The following IFT57 variants were observed in gnomAD, a reference collection of about 807,000 sequenced individuals.
The protein encoded by IFT57 is intraflagellar transport protein 57 homolog.
Under a neutral mutation model 56.8 loss-of-function variants are expected in IFT57, and 59 were observed. That is an observed-to-expected ratio of 1.04 (90% confidence interval 0.84 to 1.29). The LOEUF (loss-of-function observed/expected upper bound fraction) is 1.29, where lower values mean the gene tolerates loss of function less well. Ranked by LOEUF, IFT57 falls within the 50% of genes most tolerant of loss-of-function variation. IFT57 has a pLI of 0.00. For synonymous variants in IFT57, 209 were observed against 186.1 expected, an observed-to-expected ratio of 1.12 and a Z score of -1.00; for missense variants, 470 against 522.1, an observed-to-expected ratio of 0.90 and a Z score of 0.97.
At chr3:108,191,187 T>C (rs2080213213) in intron 6 of IFT57, among the ~76,000 whole-genome samples, 1 of 152,218 alleles carries the variant, frequency 6.6e-6, no homozygotes, top group South Asian at 2.1e-4. Context: ...TAAACCATCT[T>C]ATAACTCTAA....
At chr3:108,185,551 ATTTTTTTTTTTTTT>A (rs1179200943) in intron 6 of IFT57, among the ~76,000 whole-genome samples, 1 of 87,292 alleles carries the variant, frequency 1.1e-5, no homozygotes, top group Non-Finnish European at 2.1e-5. Context: ...GAGCACTAGG[ATTTTTTTTTTTTTT>A]TTTTTTTTTT....
At chr3:108,174,692 AT>A (rs2080114408) in intron 6 of IFT57, among the ~76,000 whole-genome samples, 1 of 151,792 alleles carries the variant, frequency 6.6e-6, no homozygotes, top group Non-Finnish European at 1.5e-5. Flanking sequence ...GACATGGTCT[AT>A]GCCAGGATTG....
intron 5 of IFT57, among the ~76,000 whole-genome samples, chr3:108,195,196 C>T (rs185064402): frequency 1.6e-3 from 236 of 152,158 alleles, no homozygotes; most frequent in African/African-American, 5.1e-3. Context: ...ACAAGTCATA[C>T]AAATGGCCAG....
chr3:108,205,802 ATAT>A (rs200525889), intron 5 of IFT57, among the ~76,000 whole-genome samples: 13,593 of 136,996 alleles, frequency 0.099, 719 homozygotes, highest in East Asian at 0.11. Flanking sequence ...AATATACAAA[ATAT>A]TATAGCATAT....
At chr3:108,173,806 G>GTA (rs1345449584) in intron 6 of IFT57, among the ~76,000 whole-genome samples, 7 of 101,160 alleles carry the variant, frequency 6.9e-5, no homozygotes, top group African/African-American at 2.3e-4. Flanking sequence ...GTGTGTGTGT[G>GTA]TGTATATAAT....
chr3:108,179,419 C>T (rs1036878860), intron 6 of IFT57, among the ~76,000 whole-genome samples: 4 of 152,072 alleles, frequency 2.6e-5, no homozygotes, highest in East Asian at 1.9e-4. Flanking sequence ...CTAGGAAATA[C>T]TTCTCGGACA....
chr3:108,164,735 C>T (rs1019928988), intron 9 of IFT57, among the ~76,000 whole-genome samples: 4 of 151,978 alleles, frequency 2.6e-5, no homozygotes, highest in Non-Finnish European at 4.4e-5. Context: ...TAACTTTATT[C>T]CTCAAATAAT....
chr3:108,207,535 T>G (rs2080320090), intron 4 of IFT57, among the ~76,000 whole-genome samples: 1 of 152,190 alleles, frequency 6.6e-6, no homozygotes, highest in Non-Finnish European at 1.5e-5. Context: ...GTCATGATTT[T>G]ATAAGGAAAA....
chr3:108,166,730 A>T, intron 8 of IFT57, 124 bp downstream of exon 8: 1 of 762,134 alleles, frequency 1.3e-6, no homozygotes, highest in Non-Finnish European at 2.0e-6. Flanking sequence ...TAAAGTGGGC[A>T]GAAAATTGAT....
intron 4 of IFT57, among the ~76,000 whole-genome samples, chr3:108,212,688 TA>T (rs1187329487): frequency 6.6e-6 from 1 of 152,254 alleles, no homozygotes; most frequent in Non-Finnish European, 1.5e-5. Context: ...GCATCTAATC[TA>T]TTTAATAGTT....
chr3:108,161,397 AAAGAAAAAGCT>A lies in IFT57; in HGVS notation c.*1069_*1079del, dbSNP rs2080031275. ...TGAGCATGTTGGGGAATACATCTAGAAAGAAAAAGCTAAGAAAAAAATAATAATATTCAGTG... is the reference window on the plus strand; with the variant it reads ...TGAGCATGTTGGGGAATACATCTAGAAAGAAAAAAATAATAATATTCAGTG... On this transcript the variant is annotated 3_prime_UTR_variant, in exon 11 of 11. Coordinates refer to ENST00000264538, the MANE Select transcript of IFT57 (RefSeq NM_018010.4). The A allele has an allele frequency of 1.3e-5, 2 of 152,240 alleles. No homozygotes were observed. The highest frequency in any genetic ancestry group is 4.1e-4 in the South Asian group (2 of 4,828). 9.4% of individuals were successfully genotyped at this position (152,240 alleles called of 1,614,324 possible).
chr3:108,191,099 A>G (rs1180677803), intron 6 of IFT57, among the ~76,000 whole-genome samples: 2 of 152,078 alleles, frequency 1.3e-5, no homozygotes, highest in Admixed American at 6.6e-5. Flanking sequence ...CCAGCATTTT[A>G]TTTTTAATCA....
intron 9 of IFT57, 50 bp from the exon 10 acceptor site, chr3:108,163,779 C>T: frequency 3.4e-6 from 4 of 1,192,510 alleles, no homozygotes; most frequent in South Asian, 1.3e-5. Flanking sequence ...TAAACTTTCA[C>T]AATTTTTGAA....
In IFT57 at chr3:108,162,313, G is replaced by T. The variant is rs2080037968; in HGVS notation, c.*164C>A. On this transcript the variant is annotated 3_prime_UTR_variant, in exon 11 of 11. Transcript: ENST00000264538. ...ATTTCTTTATTAAACATTACATTCAGTGTAAAGGCTTTAACCATCATAATC... is the reference window on the plus strand; with the variant it reads ...ATTTCTTTATTAAACATTACATTCATTGTAAAGGCTTTAACCATCATAATC... 8.1e-6 allele frequency: 4 copies of T among 495,476 alleles called. No individual in the cohort carries two copies. In the South Asian group the frequency reaches 1.2e-4, roughly 15 times the overall value. The allele number at this position is 495,476 out of a possible 1,614,324, so 30.7% of individuals were successfully genotyped here.
intron 7 of IFT57, among the ~76,000 whole-genome samples, chr3:108,167,359 A>G (rs2080068701): frequency 6.6e-6 from 1 of 151,950 alleles, no homozygotes; most frequent in African/African-American, 2.4e-5. Context: ...CCCTAAGCCT[A>G]TAGCTCTAGC....
chr3:108,171,026 T>C (rs2080089367), intron 6 of IFT57, among the ~76,000 whole-genome samples: 1 of 151,894 alleles, frequency 6.6e-6, no homozygotes, highest in African/African-American at 2.4e-5. Context: ...ATTGCACATA[T>C]CTGTTTGCAT....
intron 5 of IFT57, 91 bp from the exon 6 acceptor site, chr3:108,191,734 C>A: frequency 1.4e-6 from 1 of 707,780 alleles, no homozygotes. Context: ...CAATTTAAAT[C>A]AAGAATTGGT....
intron 4 of IFT57, among the ~76,000 whole-genome samples, chr3:108,209,455 A>T (rs959620689): frequency 1.3e-5 from 2 of 152,192 alleles, no homozygotes; most frequent in Non-Finnish European, 2.9e-5. Context: ...GAAGATGTAC[A>T]TGGATGGTAA....
chr3:108,210,877 T>C lies in IFT57; in HGVS notation c.585+3054A>G, dbSNP rs1203111827. The stretch of plus-strand genomic sequence containing the variant: ...GGCCTTCAGTTTGCTCTTATGATAG[T>C]AGAAGGTCTTTACCTCATGGCTGGG... On this transcript the variant is annotated intron_variant, in intron 4 of 10. Coordinates refer to ENST00000264538, the MANE Select transcript of IFT57 (RefSeq NM_018010.4). Among the ~76,000 whole-genome samples the C allele has an allele frequency of 7.2e-5, 11 of 152,292 alleles. No individual in the cohort carries two copies. In the East Asian group the frequency reaches 1.5e-3, roughly 21 times the overall value.
Sources: allele counts gnomAD v4.1 joint callset (sites outside exome capture counted in the v4.1 genomes callset), GRCh38; gene constraint gnomAD v4.1.1; transcripts MANE v1.5; gene names NCBI Gene and HGNC (gene_info 2026-07-23, HGNC 2026-07-21).